The following CAMSAP2 variants were observed in gnomAD, a reference collection of about 807,000 sequenced individuals.
CAMSAP2 encodes the protein calmodulin-regulated spectrin-associated protein 2.
Under a neutral mutation model 146.1 loss-of-function variants are expected in CAMSAP2, and 26 were observed. That is an observed-to-expected ratio of 0.18 (90% CI 0.13 to 0.25). The LOEUF is 0.25. CAMSAP2 is among the 10% of genes least tolerant of loss of function. CAMSAP2 has a pLI of 1.00. For synonymous variants in CAMSAP2, 499 were observed against 596.6 expected, an observed-to-expected ratio of 0.84 and a Z score of 2.38; for missense variants, 1,381 against 1,759.3, an observed-to-expected ratio of 0.78 and a Z score of 3.85.
intron 2 of CAMSAP2, among the ~76,000 whole-genome samples, chr1:200,801,210 G>A (rs1173476265): frequency 6.6e-6 from 1 of 151,838 alleles, no homozygotes; most frequent in African/African-American, 2.4e-5. Flanking sequence ...GTTGCGGTGA[G>A]CTGAGATCGC....
chr1:200,773,932 TAAAATAAAA>T (rs1665192178), intron 2 of CAMSAP2, among the ~76,000 whole-genome samples: 1 of 149,886 alleles, frequency 6.7e-6, no homozygotes, highest in African/African-American at 2.5e-5. Context: ...TAAAATAAAA[TAAAATAAAA>T]TAAAATAAAA....
At chr1:200,792,331 C>T (rs1665776544) in intron 2 of CAMSAP2, among the ~76,000 whole-genome samples, 1 of 152,140 alleles carries the variant, frequency 6.6e-6, no homozygotes, top group South Asian at 2.1e-4. Flanking sequence ...ATACATATAA[C>T]AGCTTGTATG....
At chr1:200,753,299 A>T (rs1470854676) in intron 1 of CAMSAP2, among the ~76,000 whole-genome samples, 1 of 49,154 alleles carries the variant, frequency 2.0e-5, no homozygotes, top group Admixed American at 2.6e-4. Flanking sequence ...ACTCCATCTC[A>T]AAAAAAAAAA....
In CAMSAP2 at chr1:200,847,274, G is replaced by C; in HGVS notation, c.1174G>C (p.Ala392Pro). 3 of 1,611,212 alleles carry C rather than the reference G, an allele frequency of 1.9e-6. No homozygotes were observed. Among genetic ancestry groups the C allele is most frequent in the Non-Finnish European group, 2.5e-6 (3 of 1,178,406 alleles). ...HLPSRYSRPQAHSSASGGIRR... is the reference protein window; with the variant it reads ...HLPSRYSRPQPHSSASGGIRR... ...GCCTTCTAGGTATTCACGTCCCCAG[G>C]CTCATTCTTCAGCCTCAGGTAATAT... The change falls in exon 9 of 17, where the codon GCT becomes CCT. Residue 392 changes from alanine (A) to proline (P), a missense_variant. By Grantham distance (27) the Ala-to-Pro change is conservative (BLOSUM62 -1). Coordinates refer to ENST00000358823, the MANE Select transcript of CAMSAP2 (RefSeq NM_203459.4).
In CAMSAP2 at chr1:200,847,786, A is replaced by C. The variant is rs1168995785; in HGVS notation, c.1262+77A>C. On this transcript the variant is annotated intron_variant, in intron 10 of 16. Transcript: ENST00000358823. Reference sequence around the variant, plus strand: ...TTGCATCTGTGTCTCTCTTTTATTGATAACCAAATTGCTAAAACTTTTAAT... The same window carrying C: ...TTGCATCTGTGTCTCTCTTTTATTGCTAACCAAATTGCTAAAACTTTTAAT... 7 of 1,258,508 alleles carry C rather than the reference A, an allele frequency of 5.6e-6. No individual in the cohort carries two copies. The East Asian group carries it at 1.6e-4, about 29-fold the overall frequency. 78.0% of individuals were successfully genotyped at this position (1,258,508 alleles called of 1,614,324 possible).
intron 3 of CAMSAP2, among the ~76,000 whole-genome samples, chr1:200,808,763 A>T (rs528702770): frequency 6.6e-6 from 1 of 152,330 alleles, no homozygotes; most frequent in Non-Finnish European, 1.5e-5. Flanking sequence ...AATAATTTTT[A>T]AAATGTTGAA....
Position 200,858,150 on chromosome 1 carries a change from C to G in CAMSAP2, c.*91C>G. On this transcript the variant is annotated 3_prime_UTR_variant, in exon 17 of 17. Coordinates refer to ENST00000358823, the MANE Select transcript of CAMSAP2 (RefSeq NM_203459.4). ...AAAATCTTTCTAATTGCCAACAAGA[C>G]TTTTATTAATTAAAACTGGACATTA... 2.6e-6 allele frequency: 3 copies of G among 1,154,454 alleles called. No individual in the cohort carries two copies. Among genetic ancestry groups the G allele is most frequent in the Non-Finnish European group, 3.7e-6 (3 of 818,796 alleles). The allele number at this position is 1,154,454 out of a possible 1,614,324, so 71.5% of individuals were successfully genotyped here.
chr1:200,817,152 A>G (rs1214986103), intron 4 of CAMSAP2, among the ~76,000 whole-genome samples: 5 of 114,394 alleles, frequency 4.4e-5, no homozygotes, highest in Non-Finnish European at 8.6e-5. Flanking sequence ...ATACACATAC[A>G]CACATACACA....
chr1:200,819,164 G>C (rs1481408441), intron 4 of CAMSAP2, among the ~76,000 whole-genome samples: 1 of 152,204 alleles, frequency 6.6e-6, no homozygotes, highest in Non-Finnish European at 1.5e-5. Flanking sequence ...AGATCCTCCA[G>C]TGATGTATTT....
At chr1:200,764,125 A>C (rs1201283928) in intron 2 of CAMSAP2, among the ~76,000 whole-genome samples, 1 of 152,170 alleles carries the variant, frequency 6.6e-6, no homozygotes, top group Non-Finnish European at 1.5e-5. Flanking sequence ...GTTAATGTAA[A>C]TTAACAGTTT....
At chr1:200,779,330 G>A (rs1228739181) in intron 2 of CAMSAP2, among the ~76,000 whole-genome samples, 1 of 152,152 alleles carries the variant, frequency 6.6e-6, no homozygotes, top group Non-Finnish European at 1.5e-5. Flanking sequence ...CCTAGACTAA[G>A]CAAACTAGGT....
chr1:200,772,386 A>C (rs979604993), intron 2 of CAMSAP2, among the ~76,000 whole-genome samples: 4 of 152,192 alleles, frequency 2.6e-5, no homozygotes, highest in Admixed American at 6.5e-5. Flanking sequence ...AGATGGGTGG[A>C]TCACTTGAGG....
chr1:200,814,320 T>C (rs2102162458), intron 3 of CAMSAP2, among the ~76,000 whole-genome samples: 1 of 151,520 alleles, frequency 6.6e-6, no homozygotes, highest in Non-Finnish European at 1.5e-5. Flanking sequence ...TGATAGAAAA[T>C]ATGGGGCTGG....
At chr1:200,782,832 C>A (rs1419753094) in intron 2 of CAMSAP2, among the ~76,000 whole-genome samples, 1 of 116,680 alleles carries the variant, frequency 8.6e-6, no homozygotes, top group Admixed American at 1.2e-4. Context: ...ACTCTGTCAT[C>A]CAGGCTAGAG....
intron 2 of CAMSAP2, among the ~76,000 whole-genome samples, chr1:200,785,812 C>T (rs572200150): frequency 9.2e-5 from 14 of 152,250 alleles, no homozygotes; most frequent in East Asian, 7.7e-4. Flanking sequence ...CTCAGCTTCC[C>T]AAGTAGCTGA....
In CAMSAP2 at chr1:200,832,434, G is replaced by C. The variant is rs1026991761; in HGVS notation, c.787+93G>C. ...TTTGCACTCCAGCCTAGGTGACTGA[G>C]TGGGACCCTGTCTCAAAAAAAAGAC... On this transcript the variant is annotated intron_variant, in intron 5 of 16. Transcript: ENST00000358823. The surrounding 1 kb of genome is among the most constrained non-coding windows in gnomAD (Gnocchi z 4.2). 8.4e-7 allele frequency: 1 copy of C among 1,189,082 alleles called. No individual in the cohort carries two copies. The allele number at this position is 1,189,082 out of a possible 1,614,324, so 73.7% of individuals were successfully genotyped here.
At chr1:200,851,472 G>T (rs1219043940) in intron 11 of CAMSAP2, among the ~76,000 whole-genome samples, 1 of 152,196 alleles carries the variant, frequency 6.6e-6, no homozygotes, top group South Asian at 2.1e-4. Flanking sequence ...TGGGATTACA[G>T]GCATGAGCCC....
chr1:200,741,538 A>T (rs908183345), intron 1 of CAMSAP2, among the ~76,000 whole-genome samples: 1 of 152,272 alleles, frequency 6.6e-6, no homozygotes, highest in African/African-American at 2.4e-5. Flanking sequence ...ATAGTCACCT[A>T]TGTGGAAAAG....
intron 1 of CAMSAP2, among the ~76,000 whole-genome samples, chr1:200,757,513 C>T (rs569638894): frequency 6.6e-6 from 1 of 152,066 alleles, no homozygotes; most frequent in African/African-American, 2.4e-5. Context: ...TAATTTCTTA[C>T]TTTTTGTGTT....
Sources: allele counts gnomAD v4.1 joint callset (sites outside exome capture counted in the v4.1 genomes callset), GRCh38; gene constraint gnomAD v4.1.1; non-coding constraint Gnocchi (gnomAD v3.1); transcripts MANE v1.5; gene names NCBI Gene and HGNC (gene_info 2026-07-23, HGNC 2026-07-21).